The following METTL15 variants were observed in gnomAD, a reference collection of about 807,000 sequenced individuals.
METTL15 encodes 12S rRNA N(4)-cytidine methyltransferase METTL15.
In METTL15, 34 loss-of-function variants were observed where a neutral mutation model predicts 38.3. The ratio of observed to expected loss-of-function variants is 0.89; its 90% confidence interval spans 0.68 to 1.18. The LOEUF (loss-of-function observed/expected upper bound fraction) is 1.18. METTL15 is among the 50% of genes most tolerant of loss of function. METTL15 has a pLI of 0.00. For missense variants in METTL15, 438 were observed against 498.4 expected, an observed-to-expected ratio of 0.88 and a Z score of 1.15; for synonymous variants, 162 against 170.9, an observed-to-expected ratio of 0.95 and a Z score of 0.41.
intron 6 of METTL15, among the ~76,000 whole-genome samples, chr11:28,304,366 CT>C (rs1226176596): frequency 1.3e-5 from 2 of 152,122 alleles, no homozygotes; most frequent in Non-Finnish European, 2.9e-5. Flanking sequence ...AAACCATCAT[CT>C]TTTTTCAGCA....
intron 4 of METTL15, among the ~76,000 whole-genome samples, chr11:28,356,823 A>G (rs893716252): frequency 6.6e-6 from 1 of 152,204 alleles, no homozygotes; most frequent in Non-Finnish European, 1.5e-5. Context: ...TCTTCAAGCC[A>G]CAATTTTTCA....
At chr11:28,347,281 G>A (rs1850004337) in intron 3 of METTL15, among the ~76,000 whole-genome samples, 1 of 152,200 alleles carries the variant, frequency 6.6e-6, no homozygotes. Context: ...AAGTGAGGTA[G>A]GAATAGTAGG....
intron 5 of METTL15, among the ~76,000 whole-genome samples, chr11:28,379,778 T>G (rs1850361410): frequency 6.6e-6 from 1 of 152,204 alleles, no homozygotes; most frequent in Non-Finnish European, 1.5e-5. Context: ...GTTTTCTGTC[T>G]GGATGACCTG....
intron 5 of METTL15, among the ~76,000 whole-genome samples, chr11:28,381,461 C>A (rs1850383306): frequency 6.6e-6 from 1 of 152,086 alleles, no homozygotes; most frequent in South Asian, 2.1e-4. Context: ...CTTGCTATTG[C>A]TCAACTCTTT....
At chr11:28,352,529 C>T (rs372700916) in intron 4 of METTL15, among the ~76,000 whole-genome samples, 5 of 152,178 alleles carry the variant, frequency 3.3e-5, no homozygotes, top group East Asian at 3.9e-4. Flanking sequence ...TTAATGCAGA[C>T]ATTTTTACAT....
At chr11:28,297,986 G>T (rs1264014775) in intron 6 of METTL15, among the ~76,000 whole-genome samples, 1 of 151,862 alleles carries the variant, frequency 6.6e-6, no homozygotes, top group Non-Finnish European at 1.5e-5. Flanking sequence ...AATTAAATAA[G>T]ACTATATTCT....
At chr11:28,246,977 G>A (rs574942615) in intron 4 of METTL15, among the ~76,000 whole-genome samples, 11 of 152,114 alleles carry the variant, frequency 7.2e-5, no homozygotes, top group African/African-American at 2.7e-4. Context: ...CATATAAATT[G>A]CCTCTTTCAC....
intron 4 of METTL15, among the ~76,000 whole-genome samples, chr11:28,257,597 T>C (rs1010925963): frequency 6.6e-6 from 1 of 152,178 alleles, no homozygotes; most frequent in Non-Finnish European, 1.5e-5. Flanking sequence ...TTTTTTTGTC[T>C]CTTCTGTGTA....
rs894496667 is a variant in METTL15 at position 28,342,248 on chromosome 11, T to TTTTTTA, written c.*190-9818_*190-9813dup. ...TTGTGCACCCATTCTTCGATTCTAT[T>TTTTTTA]TTTTTATTTTTATTTTTATTTTTAT... On this transcript the variant is annotated intron_variant and NMD_transcript_variant, in intron 3 of 7. Transcript: ENST00000532947. Among the ~76,000 whole-genome samples, 10 of 152,084 alleles carry TTTTTTA rather than the reference T, an allele frequency of 6.6e-5. No individual in the cohort carries two copies. In the South Asian group the frequency reaches 1.0e-3, roughly 16 times the overall value.
At chr11:28,294,870 A>G (rs1856673949) in intron 5 of METTL15, among the ~76,000 whole-genome samples, 1 of 152,194 alleles carries the variant, frequency 6.6e-6, no homozygotes, top group African/African-American at 2.4e-5. Context: ...GAGTAAAATT[A>G]TGTGTTGAAC....
chr11:28,506,882 C>CT (rs1851632384), intron 6 of METTL15, among the ~76,000 whole-genome samples: 1 of 151,522 alleles, frequency 6.6e-6, no homozygotes, highest in African/African-American at 2.4e-5. Flanking sequence ...GTAGTTGAGA[C>CT]TACAGGCATG....
intron 3 of METTL15, among the ~76,000 whole-genome samples, chr11:28,162,421 T>C (rs1266589524): frequency 6.6e-6 from 1 of 152,182 alleles, no homozygotes; most frequent in Non-Finnish European, 1.5e-5. Context: ...GGTAAATGGT[T>C]ATTCAATAAT....
chr11:28,137,078 A>G (rs1229707165), intron 3 of METTL15, among the ~76,000 whole-genome samples: 1 of 152,176 alleles, frequency 6.6e-6, no homozygotes, highest in Non-Finnish European at 1.5e-5. Context: ...CAGTTTGACC[A>G]TGAGGTGAGA....
intron 6 of METTL15, among the ~76,000 whole-genome samples, chr11:28,427,839 A>C (rs539740458): frequency 1.4e-3 from 206 of 152,090 alleles, no homozygotes; most frequent in Non-Finnish European, 2.6e-3. Flanking sequence ...TTGGGCTGAG[A>C]GGATGGGATC....
At chr11:28,289,077 G>A (rs573219823) in intron 4 of METTL15, among the ~76,000 whole-genome samples, 1 of 152,178 alleles carries the variant, frequency 6.6e-6, no homozygotes, top group East Asian at 1.9e-4. Context: ...GCAAGATTCT[G>A]TTATTTCTGT....
At chr11:28,112,533 T>A (rs951725765) in intron 2 of METTL15, among the ~76,000 whole-genome samples, 1 of 152,194 alleles carries the variant, frequency 6.6e-6, no homozygotes, top group Non-Finnish European at 1.5e-5. Context: ...AAATCCTTTT[T>A]TTCTTCTGCA....
chr11:28,161,876 T>C (rs184460124), intron 3 of METTL15, among the ~76,000 whole-genome samples: 1 of 152,130 alleles, frequency 6.6e-6, no homozygotes, highest in Non-Finnish European at 1.5e-5. Flanking sequence ...CAGATAAGGT[T>C]ATGTCAACAA....
At chr11:28,270,579 G>A (rs1284566173) in intron 4 of METTL15, among the ~76,000 whole-genome samples, 2 of 152,084 alleles carry the variant, frequency 1.3e-5, no homozygotes, top group Non-Finnish European at 2.9e-5. Flanking sequence ...GCCACTACCC[G>A]TAACAATAGA....
chr11:28,220,520 G>T (rs1330314373), intron 4 of METTL15, among the ~76,000 whole-genome samples: 2 of 152,078 alleles, frequency 1.3e-5, no homozygotes, highest in African/African-American at 4.8e-5. Flanking sequence ...TATCCAATTT[G>T]CCAGTATGTG....
Sources: allele counts gnomAD v4.1 joint callset (sites outside exome capture counted in the v4.1 genomes callset), GRCh38; gene constraint gnomAD v4.1.1; transcripts MANE v1.5; gene names NCBI Gene and HGNC (gene_info 2026-07-23, HGNC 2026-07-21).